Variants in IQCM observed in about 807,000 individuals in gnomAD.
The protein encoded by IQCM is IQ domain-containing protein M.
In IQCM, 45 loss-of-function variants were observed where a neutral mutation model predicts 57.6. The ratio of observed to expected loss-of-function variants is 0.78; its 90% CI spans 0.62 to 1.00. IQCM has a LOEUF of 1.00. IQCM is among the 50% of genes least tolerant of loss of function. The pLI is 0.00. For missense variants in IQCM, 468 were observed against 511.6 expected (o/e 0.91, Z 0.82); for synonymous variants, 148 against 158.9 (o/e 0.93, Z 0.51).
At chr4:149,378,611 T>A (rs1002052430) in intron 13 of IQCM, among the ~76,000 whole-genome samples, 2 of 152,174 alleles carry the variant, frequency 1.3e-5, no homozygotes, top group East Asian at 3.9e-4. Flanking sequence ...GCAGAAGATA[T>A]TTCTAAGCAA....
At chr4:149,482,403 C>A (rs1303083127) in intron 12 of IQCM, among the ~76,000 whole-genome samples, 2 of 151,912 alleles carry the variant, frequency 1.3e-5, no homozygotes, top group African/African-American at 2.4e-5. Flanking sequence ...CAATATGATA[C>A]TAGCTGTGAG....
At chr4:149,518,256 A>T (rs1014638730) in intron 12 of IQCM, among the ~76,000 whole-genome samples, 10 of 152,262 alleles carry the variant, frequency 6.6e-5, no homozygotes, top group Admixed American at 2.6e-4. Context: ...GGAAATGAAA[A>T]TTTCACAAGC....
intron 12 of IQCM, among the ~76,000 whole-genome samples, chr4:149,464,226 C>A (rs1337033871): frequency 6.6e-6 from 1 of 152,164 alleles, no homozygotes; most frequent in Non-Finnish European, 1.5e-5. Context: ...GTACCACATT[C>A]TTAATTGGGG....
At chr4:149,427,762 A>T (rs1734562145) in intron 13 of IQCM, among the ~76,000 whole-genome samples, 1 of 151,976 alleles carries the variant, frequency 6.6e-6, no homozygotes, top group Non-Finnish European at 1.5e-5. Context: ...TACAATTACC[A>T]TGAAAACACA....
At chr4:149,665,666 C>A (rs944377866) in intron 7 of IQCM, among the ~76,000 whole-genome samples, 2 of 152,148 alleles carry the variant, frequency 1.3e-5, no homozygotes, top group Non-Finnish European at 2.9e-5. Context: ...AGATTGCTAT[C>A]CTAACAACTC....
chr4:149,420,957 TAGAC>T (rs1177175018), intron 13 of IQCM, among the ~76,000 whole-genome samples: 1 of 151,792 alleles, frequency 6.6e-6, no homozygotes, highest in Non-Finnish European at 1.5e-5. Context: ...AGGTGCCCAT[TAGAC>T]AGACTGTCAG....
intron 12 of IQCM, among the ~76,000 whole-genome samples, chr4:149,537,112 T>A (rs1747373950): frequency 1.3e-5 from 2 of 151,582 alleles, no homozygotes; most frequent in African/African-American, 4.8e-5. Flanking sequence ...GAAAAGGAGG[T>A]ACTAAAAATT....
At chr4:149,419,274 G>C (rs1733963589) in intron 13 of IQCM, among the ~76,000 whole-genome samples, 1 of 151,920 alleles carries the variant, frequency 6.6e-6, no homozygotes, top group African/African-American at 2.4e-5. Flanking sequence ...AAACAGCATG[G>C]TACTTGTATA....
chr4:149,797,592 A>T (rs1475700960), intron 2 of IQCM, among the ~76,000 whole-genome samples: 1 of 152,106 alleles, frequency 6.6e-6, no homozygotes, highest in Non-Finnish European at 1.5e-5. Context: ...TAGAAAACCA[A>T]GCAAATTTAA....
intron 12 of IQCM, among the ~76,000 whole-genome samples, chr4:149,447,814 T>A (rs1321163199): frequency 6.6e-6 from 1 of 151,510 alleles, no homozygotes; most frequent in African/African-American, 2.4e-5. Flanking sequence ...GATATATGAA[T>A]GAAACTACAG....
intron 9 of IQCM, among the ~76,000 whole-genome samples, chr4:149,567,719 C>A (rs1205605059): frequency 2.0e-5 from 3 of 152,040 alleles, no homozygotes; most frequent in Non-Finnish European, 4.4e-5. Flanking sequence ...TTGGGTATCC[C>A]AGATGGCTTC....
intron 12 of IQCM, among the ~76,000 whole-genome samples, chr4:149,456,017 A>C (rs1737663669): frequency 6.6e-6 from 1 of 151,980 alleles, no homozygotes; most frequent in South Asian, 2.1e-4. Flanking sequence ...AAGATTTCTT[A>C]CTTCACCATC....
chr4:149,803,454 C>A (rs963231344), intron 2 of IQCM, among the ~76,000 whole-genome samples: 2 of 151,914 alleles, frequency 1.3e-5, no homozygotes, highest in African/African-American at 4.8e-5. Flanking sequence ...CTTTCTTTGA[C>A]CATCTTCAGC....
chr4:149,707,106 A>G (rs1450977858), intron 5 of IQCM, among the ~76,000 whole-genome samples: 4 of 152,046 alleles, frequency 2.6e-5, no homozygotes, highest in Admixed American at 6.6e-5. Context: ...AGCAATAAAT[A>G]AAGTAATGGA....
intron 12 of IQCM, among the ~76,000 whole-genome samples, chr4:149,516,562 G>A (rs1227887747): frequency 2.0e-5 from 3 of 152,154 alleles, no homozygotes; most frequent in Non-Finnish European, 4.4e-5. Flanking sequence ...TTTCAGGGCT[G>A]GAGCAAAGTT....
intron 5 of IQCM, among the ~76,000 whole-genome samples, chr4:149,728,133 GA>G (rs1476120731): frequency 6.6e-6 from 1 of 152,154 alleles, no homozygotes; most frequent in East Asian, 1.9e-4. Flanking sequence ...CTGATTCTCA[GA>G]ACTGCAATCA....
intron 12 of IQCM, among the ~76,000 whole-genome samples, chr4:149,537,425 A>G (rs1489752774): frequency 6.6e-6 from 1 of 151,908 alleles, no homozygotes; most frequent in Non-Finnish European, 1.5e-5. Flanking sequence ...AATTTGAACA[A>G]CCAAAGAAAG....
At chr4:149,645,072 A>G (rs1758524215) in intron 7 of IQCM, among the ~76,000 whole-genome samples, 1 of 152,198 alleles carries the variant, frequency 6.6e-6, no homozygotes, top group Admixed American at 6.5e-5. Context: ...TAAGTTTATA[A>G]AGGATTTGGA....
chr4:149,613,189 C>T (rs945639217), intron 8 of IQCM, among the ~76,000 whole-genome samples: 1 of 151,784 alleles, frequency 6.6e-6, no homozygotes, highest in Non-Finnish European at 1.5e-5. Context: ...ATTACAGTAC[C>T]TCCTCAAATG....
Sources: allele counts gnomAD v4.1 joint callset (sites outside exome capture counted in the v4.1 genomes callset), GRCh38; gene constraint gnomAD v4.1.1; transcripts MANE v1.5; gene names NCBI Gene and HGNC (gene_info 2026-07-23, HGNC 2026-07-21).